Variants in NR3C1 observed in about 807,000 individuals in gnomAD.
NR3C1 encodes glucocorticoid receptor.
Under a neutral mutation model 74.0 loss-of-function variants are expected in NR3C1, and 14 were observed. The observed-to-expected ratio is 0.19, with a 90% confidence interval of 0.12 to 0.30. The LOEUF is 0.30. NR3C1 is among the 10% of genes least tolerant of loss of function. NR3C1 has a pLI of 1.00. For missense variants in NR3C1, 695 were observed against 909.8 expected, an observed-to-expected ratio of 0.76 and a Z score of 3.04; for synonymous variants, 308 against 332.5, an observed-to-expected ratio of 0.93 and a Z score of 0.80.
intron 2 of NR3C1, among the ~76,000 whole-genome samples, chr5:143,323,209 T>C (rs1823750351): frequency 1.3e-5 from 2 of 152,226 alleles, no homozygotes; most frequent in Admixed American, 1.3e-4. Flanking sequence ...TCTGTATTAG[T>C]TGTTTTCACA....
At chr5:143,325,078 C>T (rs1227049353) in intron 2 of NR3C1, among the ~76,000 whole-genome samples, 4 of 152,178 alleles carry the variant, frequency 2.6e-5, no homozygotes, top group Non-Finnish European at 5.9e-5. Context: ...GTTCCAAAGT[C>T]GCTTCCACAT....
rs1012963423 is a variant in NR3C1, at chr5:143,364,552, A to T, written c.1184+35104T>A. On this transcript the variant is annotated intron_variant, in intron 2 of 8. Transcript: ENST00000394464. Reference sequence around the variant, plus strand: ...GTATCGGATTCTAAAGACAACTACTAAGCAATATTTTTAAATCTACATTGA... The same window carrying T: ...GTATCGGATTCTAAAGACAACTACTTAGCAATATTTTTAAATCTACATTGA... 5.5e-4 allele frequency among the ~76,000 whole-genome samples: 84 copies of T among 152,212 alleles called. 1 individual carries two copies. The highest frequency in any genetic ancestry group is 3.1e-4 in the Non-Finnish European group (21 of 68,032).
intron 2 of NR3C1, among the ~76,000 whole-genome samples, chr5:143,356,657 T>C (rs544391893): frequency 2.1e-4 from 31 of 149,756 alleles, no homozygotes; most frequent in Non-Finnish European, 3.4e-4. Flanking sequence ...CTGCTTCTTT[T>C]ACTTTTCTGT....
intron 7 of NR3C1, among the ~76,000 whole-genome samples, chr5:143,293,142 TCAA>T (rs1816331688): frequency 1.3e-5 from 2 of 152,226 alleles, no homozygotes; most frequent in Admixed American, 6.5e-5. Flanking sequence ...TGCCCATCAA[TCAA>T]CGAGTGGATA....
chr5:143,323,143 T>C (rs1385051424), intron 2 of NR3C1, among the ~76,000 whole-genome samples: 3 of 152,226 alleles, frequency 2.0e-5, no homozygotes, highest in African/African-American at 7.2e-5. Flanking sequence ...AATCATCCCT[T>C]TGTCCAGCAT....
upstream of NR3C1, chr5:143,406,931 AT>A (rs886161249): frequency 1.3e-5 from 2 of 152,234 alleles, no homozygotes; most frequent in Non-Finnish European, 2.9e-5. Flanking sequence ...GAAAGTCAAC[AT>A]TTATTGCGCA....
intron 4 of NR3C1, among the ~76,000 whole-genome samples, chr5:143,307,985 G>A (rs889906546): frequency 3.3e-5 from 5 of 152,204 alleles, no homozygotes; most frequent in African/African-American, 9.6e-5. Flanking sequence ...GTAAATCAAT[G>A]TTTAACATGC....
At chr5:143,375,670 A>T (rs576605051) in intron 2 of NR3C1, 3 of 152,370 alleles carry the variant, frequency 2.0e-5, no homozygotes, top group South Asian at 4.1e-4. Context: ...CAGAAAGTAT[A>T]AAAAATATGA....
rs917155747 is a variant in NR3C1, at chr5:143,321,756, C to A, written c.1185-7588G>T. Among the ~76,000 whole-genome samples the A allele has an allele frequency of 2.6e-5, 4 of 152,182 alleles. No homozygotes were observed. In the East Asian group the frequency reaches 7.7e-4, roughly 29 times the overall value. On this transcript the variant is annotated intron_variant, in intron 2 of 8. Transcript: ENST00000394464. ...GTACCTATGATAGGAGTAGCTTTTGCTAAGATCTGTTTTCCCTGCCTGAAG... is the reference window on the plus strand; with the variant it reads ...GTACCTATGATAGGAGTAGCTTTTGATAAGATCTGTTTTCCCTGCCTGAAG...
At chr5:143,298,228 A>G (rs1451699253) in intron 6 of NR3C1, among the ~76,000 whole-genome samples, 4 of 152,252 alleles carry the variant, frequency 2.6e-5, no homozygotes, top group Non-Finnish European at 4.4e-5. Context: ...ACACTGGGTG[A>G]GCCTTGCCAT....
chr5:143,332,890 T>C (rs1187461926), intron 2 of NR3C1: 5 of 1,501,610 alleles, frequency 3.3e-6, no homozygotes, highest in Non-Finnish European at 4.6e-6. Context: ...CTAAAAATGC[T>C]GCATATAGTG....
intron 2 of NR3C1, among the ~76,000 whole-genome samples, chr5:143,334,812 G>C (rs1220410043): frequency 6.6e-6 from 1 of 152,026 alleles, no homozygotes; most frequent in Non-Finnish European, 1.5e-5. Flanking sequence ...AGTTTTCTTA[G>C]TTAGCCTGAG....
intron 2 of NR3C1, among the ~76,000 whole-genome samples, chr5:143,362,836 C>T (rs1056582125): frequency 6.6e-6 from 1 of 152,138 alleles, no homozygotes; most frequent in African/African-American, 2.4e-5. Flanking sequence ...TGCTGCCTGA[C>T]AGATAACTGT....
intron 2 of NR3C1, among the ~76,000 whole-genome samples, chr5:143,363,925 A>C (rs1832732031): frequency 1.3e-5 from 2 of 152,186 alleles, no homozygotes; most frequent in Admixed American, 1.3e-4. Context: ...CCACCAAACA[A>C]AGCAACACAC....
Position 143,400,482 on chromosome 5 carries a change from T to G in NR3C1, c.358A>C (p.Lys120Gln), listed in dbSNP as rs567678166. The G allele has an allele frequency of 1.8e-5, 29 of 1,614,092 alleles. No homozygotes were observed. The South Asian group carries it at 3.1e-4, about 17-fold the overall frequency. ...TTTGCAATGCTTTCTTCCAAAAGCT[T>G]TAAGTCTGTTTCCCCCGAGGAAAGG... is the stretch of plus-strand genomic sequence containing the variant. Reference protein sequence around the residue: ...ISLSSGETDLKLLEESIANLN... With the variant: ...ISLSSGETDLQLLEESIANLN... The change falls in exon 2 of 9, where the codon AAG becomes CAG. Residue 120 changes from lysine (K) to glutamine (Q), a missense_variant. Physicochemically the swap from Lys to Gln is moderately conservative, Grantham distance 53. This residue lies in a region of NR3C1 where 497 missense variants were observed against 489.5 expected (regional missense o/e 1.02). Coordinates refer to ENST00000394464, the MANE Select transcript of NR3C1 (RefSeq NM_000176.3).
At chr5:143,419,239 A>G (rs1751088330) in intron 1 of NR3C1, among the ~76,000 whole-genome samples, 1 of 152,024 alleles carries the variant, frequency 6.6e-6, no homozygotes, top group Non-Finnish European at 1.5e-5. Context: ...CTACCAATTT[A>G]TTTTCACCAA....
intron 1 of NR3C1, among the ~76,000 whole-genome samples, chr5:143,427,616 C>T (rs947046306): frequency 9.2e-5 from 14 of 152,160 alleles, no homozygotes; most frequent in African/African-American, 3.1e-4. Flanking sequence ...CGTTCTTCTG[C>T]AAGATGGCTG....
chr5:143,333,646 T>C (rs1362182792), intron 2 of NR3C1, among the ~76,000 whole-genome samples: 2 of 152,126 alleles, frequency 1.3e-5, no homozygotes, highest in African/African-American at 2.4e-5. Context: ...CACGTGCCTG[T>C]AGTCCCAGCT....
chr5:143,279,583 GTTTTT>G lies in NR3C1; in HGVS notation c.*2301_*2305del, dbSNP rs10482711. The G allele has an allele frequency of 3.2e-5, 16 of 495,176 alleles. No individual in the cohort carries two copies. The highest frequency in any genetic ancestry group is 3.2e-4 in the African/African-American group (16 of 49,832). 30.7% of individuals were successfully genotyped at this position (495,176 alleles called of 1,614,324 possible). On this transcript the variant is annotated 3_prime_UTR_variant, in exon 9 of 9. Transcript: ENST00000394464. Reference sequence around the variant, plus strand: ...GAGAGCATTCAAAAAGCAAATGATTGTTTTTTTATTAAATAATTTCTCCAAAATAC... The same window carrying G: ...GAGAGCATTCAAAAAGCAAATGATTGTTATTAAATAATTTCTCCAAAATAC...
Sources: gnomAD v4.1 joint callset for allele counts (sites outside exome capture counted in the v4.1 genomes callset) on GRCh38, gnomAD v4.1.1 for gene constraint, gnomAD v4.1.1 regional missense constraint, MANE v1.5 for transcripts, NCBI Gene and HGNC (gene_info 2026-07-23, HGNC 2026-07-21) for gene names.